DMRT1: variants seen among roughly 807,000 people sequenced by gnomAD.
The protein encoded by DMRT1 is doublesex- and mab-3-related transcription factor 1.
Under a neutral mutation model 32.3 loss-of-function variants are expected in DMRT1, and 7 were observed. The observed-to-expected ratio is 0.22, with a 90% CI of 0.12 to 0.41. The LOEUF (loss-of-function observed/expected upper bound fraction) is 0.41. Among genes scored for constraint, DMRT1 ranks in the 10% least tolerant of loss-of-function variants. The pLI, the probability that DMRT1 is intolerant of heterozygous loss-of-function variation, is 1.00. For synonymous variants in DMRT1, 278 were observed against 206.1 expected (o/e 1.35, Z -2.99); for missense variants, 625 against 500.5 (o/e 1.25, Z -2.37).
At chr9:961,893 C>A (rs902920758) in intron 4 of DMRT1, among the ~76,000 whole-genome samples, 1 of 152,078 alleles carries the variant, frequency 6.6e-6, no homozygotes, top group Non-Finnish European at 1.5e-5. Flanking sequence ...CTGTTATTAC[C>A]CCCTTTTCAC....
chr9:958,930 G>GATGCCCATCAAGGT (rs1386930852), intron 4 of DMRT1, among the ~76,000 whole-genome samples: 1 of 152,178 alleles, frequency 6.6e-6, no homozygotes, highest in African/African-American at 2.4e-5. Context: ...GCCTTAACGA[G>GATGCCCATCAAGGT]ATGCCCATCA....
intron 2 of DMRT1, among the ~76,000 whole-genome samples, chr9:849,806 G>A (rs1839061150): frequency 6.9e-6 from 1 of 144,976 alleles, no homozygotes; most frequent in Non-Finnish European, 1.5e-5. Flanking sequence ...ACCTTCTGAG[G>A]ACGATGGGCT....
At chr9:864,841 C>T (rs1263226377) in intron 2 of DMRT1, among the ~76,000 whole-genome samples, 1 of 148,164 alleles carries the variant, frequency 6.7e-6, no homozygotes, top group East Asian at 2.0e-4. Context: ...TCAATTTTAG[C>T]TATGAGTAGG....
At chr9:904,558 A>G (rs1213910093) in intron 3 of DMRT1, among the ~76,000 whole-genome samples, 1 of 152,154 alleles carries the variant, frequency 6.6e-6, no homozygotes, top group Non-Finnish European at 1.5e-5. Context: ...GCATTTGTTG[A>G]TTGTTTTTAT....
chr9:916,227 C>G (rs1380371427), intron 3 of DMRT1, among the ~76,000 whole-genome samples: 3 of 152,188 alleles, frequency 2.0e-5, no homozygotes, highest in African/African-American at 7.2e-5. Context: ...AATCGAGCAC[C>G]AAATGAACAG....
At chr9:966,357 A>T (rs1819930256) in intron 4 of DMRT1, among the ~76,000 whole-genome samples, 1 of 152,230 alleles carries the variant, frequency 6.6e-6, no homozygotes, top group African/African-American at 2.4e-5. Flanking sequence ...AATTAAAAAA[A>T]AATATTTTCC....
intron 4 of DMRT1, among the ~76,000 whole-genome samples, chr9:949,364 CGGGG>C (rs1819355146): frequency 1.3e-5 from 2 of 151,036 alleles, no homozygotes; most frequent in Non-Finnish European, 2.9e-5. Context: ...GACCCTCTCT[CGGGG>C]AAAAAAAAAC....
chr9:885,594 A>G (rs987235459), intron 2 of DMRT1, among the ~76,000 whole-genome samples: 2 of 151,604 alleles, frequency 1.3e-5, no homozygotes, highest in African/African-American at 2.4e-5. Flanking sequence ...CCACCAATCT[A>G]CTCGTCTCAA....
chr9:906,616 A>G (rs1162881798), intron 3 of DMRT1, among the ~76,000 whole-genome samples: 1 of 152,174 alleles, frequency 6.6e-6, no homozygotes, highest in East Asian at 1.9e-4. Context: ...GTGGGAACAG[A>G]TATGGATGCC....
chr9:919,819 C>T (rs546632445), intron 4 of DMRT1, among the ~76,000 whole-genome samples: 4 of 152,152 alleles, frequency 2.6e-5, no homozygotes, highest in African/African-American at 7.2e-5. Flanking sequence ...GCAGTGATGA[C>T]GGGTGGTCGA....
chr9:924,073 T>C (rs1188904648), intron 4 of DMRT1, among the ~76,000 whole-genome samples: 1 of 65,640 alleles, frequency 1.5e-5, no homozygotes, highest in African/African-American at 4.2e-5. Context: ...TCAATCTCTT[T>C]TTTTTTTTTT....
chr9:916,336 G>A (rs974088243), intron 3 of DMRT1, among the ~76,000 whole-genome samples: 1 of 151,906 alleles, frequency 6.6e-6, no homozygotes, highest in Non-Finnish European at 1.5e-5. Context: ...CATGGCTGAG[G>A]CCACTTCCAA....
intron 4 of DMRT1, among the ~76,000 whole-genome samples, chr9:943,561 CACTT>C (rs1274973700): frequency 6.6e-6 from 1 of 152,240 alleles, no homozygotes; most frequent in Non-Finnish European, 1.5e-5. Flanking sequence ...AGTTGTCTAA[CACTT>C]ACATCCTGAA....
chr9:916,626 C>T, intron 3 of DMRT1, 137 bp from the exon 4 acceptor site: 2 of 1,025,790 alleles, frequency 1.9e-6, no homozygotes, highest in Non-Finnish European at 3.0e-6. Context: ...CCCGCCCTGG[C>T]CTCCCAAGGT....
intron 4 of DMRT1, among the ~76,000 whole-genome samples, chr9:943,406 G>A (rs1479022270): frequency 1.3e-5 from 2 of 152,208 alleles, no homozygotes; most frequent in African/African-American, 2.4e-5. Context: ...GTCACAGGGA[G>A]GTGAGGTGAT....
chr9:886,036 T>C (rs1373615491), intron 2 of DMRT1, among the ~76,000 whole-genome samples: 2 of 151,778 alleles, frequency 1.3e-5, no homozygotes, highest in Non-Finnish European at 2.9e-5. Flanking sequence ...GAGAGTGAGA[T>C]CTAGCTTAAG....
At chr9:951,149 T>C (rs187070690) in intron 4 of DMRT1, among the ~76,000 whole-genome samples, 48 of 152,284 alleles carry the variant, frequency 3.2e-4, no homozygotes, top group African/African-American at 1.1e-3. Context: ...TAGAGCCTCA[T>C]TGAAGCACTA....
rs767345718 is a variant in DMRT1 at position 926,686 on chromosome 9, G to GGAGA, written c.967+9779_967+9780insGAGA. On this transcript the variant is annotated intron_variant, in intron 4 of 4. Transcript: ENST00000382276. The stretch of plus-strand genomic sequence containing the variant: ...AGATTGCAGCCTAGAGAAGACACAG[G>GGAGA]TAGAGAGAGAGAGAGAGAGAGAGAG... Among the ~76,000 whole-genome samples the GGAGA allele has an allele frequency of 1.5e-4, 23 of 149,094 alleles. No homozygotes were observed. In the South Asian group the frequency reaches 4.4e-3, roughly 29 times the overall value.
In DMRT1 at chr9:933,555, C is replaced by G. The variant is rs540660357; in HGVS notation, c.967+16648C>G. Among the ~76,000 whole-genome samples, 17 of 152,320 alleles carry G rather than the reference C, an allele frequency of 1.1e-4. No individual in the cohort carries two copies. The South Asian group carries it at 3.3e-3, about 30-fold the overall frequency. ...CCGGGTTTCTTCCTGGGACACTTTT[C>G]AGCCTCAGGCTGTCAAACCAGCATT... On this transcript the variant is annotated intron_variant, in intron 4 of 4. Coordinates refer to ENST00000382276, the MANE Select transcript of DMRT1 (RefSeq NM_021951.3).
Sources: gnomAD v4.1 joint callset for allele counts (sites outside exome capture counted in the v4.1 genomes callset) on GRCh38, gnomAD v4.1.1 for gene constraint, MANE v1.5 for transcripts, NCBI Gene and HGNC (gene_info 2026-07-23, HGNC 2026-07-21) for gene names.